The following PNLIPRP3 variants were observed in gnomAD, a reference collection of about 807,000 sequenced individuals.
PNLIPRP3 encodes the protein pancreatic lipase-related protein 3.
A neutral mutation model predicts 52.8 loss-of-function variants in PNLIPRP3; 58 were observed. The ratio of observed to expected loss-of-function variants is 1.10; its 90% CI spans 0.89 to 1.37. The LOEUF is 1.37. Among genes scored for constraint, PNLIPRP3 ranks in the 40% most tolerant of loss-of-function variants. PNLIPRP3 has a pLI of 0.00. For missense variants in PNLIPRP3, 593 were observed against 561.6 expected (o/e 1.06, Z -0.57); for synonymous variants, 192 against 185.0 (o/e 1.04, Z -0.31).
chr10:116,444,358 T>C (rs1845911052), intron 3 of PNLIPRP3, 24 bp from the exon 4 acceptor site: 1 of 1,559,392 alleles, frequency 6.4e-7, no homozygotes, highest in Non-Finnish European at 8.7e-7. Context: ...ATTTATTTAA[T>C]ATTTATATAA....
At chr10:116,432,867 C>A (rs1416762775) in intron 1 of PNLIPRP3, among the ~76,000 whole-genome samples, 1 of 151,948 alleles carries the variant, frequency 6.6e-6, no homozygotes, top group Non-Finnish European at 1.5e-5. Flanking sequence ...GTAATCCCAG[C>A]ACTTTGGGAG....
chr10:116,445,849 TCTC>T (rs1845940814), intron 4 of PNLIPRP3, among the ~76,000 whole-genome samples: 2 of 152,096 alleles, frequency 1.3e-5, no homozygotes, highest in South Asian at 4.1e-4. Flanking sequence ...CTGAGTCTCT[TCTC>T]CACCTCTCTT....
intron 1 of PNLIPRP3, among the ~76,000 whole-genome samples, chr10:116,434,456 A>G (rs1845749404): frequency 6.6e-6 from 1 of 152,178 alleles, no homozygotes; most frequent in African/African-American, 2.4e-5. Context: ...CTTTATAGCA[A>G]ACATTATTTT....
rs1213369824 is a variant in PNLIPRP3, at chr10:116,476,715, C to A, written c.1236C>A (p.Asn412Lys). Residue 412 changes from asparagine to lysine, a missense_variant, in exon 11 of 12, where the codon AAC (asparagine) becomes AAA (lysine). Asn to Lys is a moderately conservative substitution (Grantham distance 94). Transcript: ENST00000369230. ...TCGATGCAGATGTTAACGTTGGAAA[C>A]ATTACAAGTGTTCAGTTCATCTGGA... is the stretch of plus-strand genomic sequence containing the variant. ...KLIDADVNVG[N>K]ITSVQFIWKK... The A allele has an allele frequency of 1.2e-6, 2 of 1,608,532 alleles. No individual in the cohort carries two copies. The highest frequency in any genetic ancestry group is 3.4e-5 in the Admixed American group (2 of 58,662).
rs1243990907 is a variant in PNLIPRP3 at position 116,469,299 on chromosome 10, T to C, written c.1042T>C (p.Ser348Pro). 6.2e-7 allele frequency: 1 copy of C among 1,605,704 alleles called. No individual in the cohort carries two copies. Among genetic ancestry groups the C allele is most frequent in the East Asian group, 2.2e-5 (1 of 44,448 alleles). ...ATCACATTATTTTTTAAACACAGGG[T>C]CCCTTTCCCCATTTGCCCGTAAGTA... ...NGSHYFLNTG[S>P]LSPFARWRHK... Residue 348 changes from serine to proline, a missense_variant, in exon 9 of 12, where the codon TCC becomes CCC. By Grantham distance (74) the Ser-to-Pro change is moderately conservative. Transcript: ENST00000369230.
chr10:116,474,708 A>G (rs1159882169), intron 10 of PNLIPRP3, among the ~76,000 whole-genome samples: 1 of 152,228 alleles, frequency 6.6e-6, no homozygotes, highest in Non-Finnish European at 1.5e-5. Context: ...AAAGCTCAAC[A>G]TCACTGATCA....
chr10:116,466,103 G>T lies in PNLIPRP3; in HGVS notation c.862G>T (p.Glu288Ter). 6.2e-7 allele frequency: 1 copy of T among 1,613,826 alleles called. No homozygotes were observed. ...NHARSYQFYA[E>*]SILNPDAFIA... is the part of the protein sequence containing the mutation. The stretch of plus-strand genomic sequence containing the variant: ...TGCCCGAAGTTATCAATTTTATGCT[G>T]AAAGCATTCTTAATCCTGATGCATT... The change falls in exon 8 of 12, where the codon GAA (glutamate) becomes TAA (stop). Residue 288 changes from glutamate to a stop codon, truncating the protein, a stop_gained. Transcript: ENST00000369230. LOFTEE classifies it high-confidence loss of function.
At chr10:116,432,984 C>T (rs1845727803) in intron 1 of PNLIPRP3, among the ~76,000 whole-genome samples, 1 of 151,458 alleles carries the variant, frequency 6.6e-6, no homozygotes, top group East Asian at 2.0e-4. Flanking sequence ...TGTGGAGGTG[C>T]ACACCTGTAA....
chr10:116,477,168 T>A lies in PNLIPRP3; in HGVS notation c.*15T>A. On this transcript the variant is annotated 3_prime_UTR_variant, in exon 12 of 12. Coordinates refer to ENST00000369230, the MANE Select transcript of PNLIPRP3 (RefSeq NM_001011709.3). ...AACCATGCTAATCTCAGATACAGTC[T>A]TGATGGATTTCTTTAGTAGGAGCAA... 1 of 1,567,474 alleles carries A rather than the reference T, an allele frequency of 6.4e-7. No individual in the cohort carries two copies.
chr10:116,469,286 T>C lies in PNLIPRP3; in HGVS notation c.1029T>C (p.Phe343=). ...TGAAGACTAATGGATCACATTATTT[T>C]TTAAACACAGGGTCCCTTTCCCCAT... ...KNMKTNGSHY[F]LNTGSLSPFA... Residue 343 remains phenylalanine, a synonymous_variant, in exon 9 of 12, where the codon TTT becomes TTC. Transcript: ENST00000369230. 1 of 1,610,138 alleles carries C rather than the reference T, an allele frequency of 6.2e-7. No homozygotes were observed. Among genetic ancestry groups the C allele is most frequent in the Non-Finnish European group, 8.5e-7 (1 of 1,178,454 alleles).
rs189078194 is a variant in PNLIPRP3, at chr10:116,432,938, C to T, written c.50-3773C>T. Among the ~76,000 whole-genome samples, 226 of 151,126 alleles carry T rather than the reference C, an allele frequency of 1.5e-3. 1 individual carries two copies. Among genetic ancestry groups the T allele is most frequent in the Middle Eastern group, 6.9e-3 (2 of 290 alleles). On this transcript the variant is annotated intron_variant, in intron 1 of 11. Coordinates refer to ENST00000369230, the MANE Select transcript of PNLIPRP3 (RefSeq NM_001011709.3). ...GACTAGCTTGGCTAACATGGTGAAACCCTGTTTCTACTAAAAATACAAAAA... is the reference window on the plus strand; with the variant it reads ...GACTAGCTTGGCTAACATGGTGAAATCCTGTTTCTACTAAAAATACAAAAA...
At chr10:116,449,694 C>T (rs970644255) in intron 4 of PNLIPRP3, among the ~76,000 whole-genome samples, 1 of 152,112 alleles carries the variant, frequency 6.6e-6, no homozygotes, top group South Asian at 2.1e-4. Context: ...AGATGGAAAA[C>T]AAATAAGAAG....
At chr10:116,435,463 C>T (rs544783215) in intron 1 of PNLIPRP3, among the ~76,000 whole-genome samples, 1 of 146,100 alleles carries the variant, frequency 6.8e-6, no homozygotes, top group African/African-American at 2.6e-5. Context: ...AAAAAACCAA[C>T]CAAACAAAAA....
intron 1 of PNLIPRP3, among the ~76,000 whole-genome samples, chr10:116,436,068 A>G (rs1845770009): frequency 6.6e-6 from 1 of 152,230 alleles, no homozygotes; most frequent in Non-Finnish European, 1.5e-5. Flanking sequence ...GTCTTTGACA[A>G]GGGTGCCAAG....
At position 116,456,792 on chromosome 10, in the gene PNLIPRP3, A is replaced by C. The variant is rs191313449; in HGVS notation, c.565+962A>C. ...CCTCTGCATCCCCCCACCAACAGCC[A>C]GTAAGCAAGCCCCACGTCTCCTTCA... On this transcript the variant is annotated intron_variant, in intron 5 of 11. Transcript: ENST00000369230. Among the ~76,000 whole-genome samples, 132 of 152,288 alleles carry C rather than the reference A, an allele frequency of 8.7e-4. 1 individual carries two copies. Among genetic ancestry groups the C allele is most frequent in the African/African-American group, 3.1e-3 (130 of 41,564 alleles).
At chr10:116,439,036 G>A (rs1162129162) in intron 2 of PNLIPRP3, among the ~76,000 whole-genome samples, 1 of 152,154 alleles carries the variant, frequency 6.6e-6, no homozygotes, top group Non-Finnish European at 1.5e-5. Flanking sequence ...AGCAGGTAAT[G>A]GAGAGTTCCT....
At chr10:116,471,631 AT>A in intron 9 of PNLIPRP3, 136 bp from the exon 10 acceptor site, 1 of 608,676 alleles carries the variant, frequency 1.6e-6, no homozygotes. Flanking sequence ...CTAAAGTTGT[AT>A]TTTTGCATGA....
At chr10:116,432,644 C>T (rs760851908) in intron 1 of PNLIPRP3, among the ~76,000 whole-genome samples, 25 of 152,056 alleles carry the variant, frequency 1.6e-4, no homozygotes, top group Non-Finnish European at 3.2e-4. Context: ...GTGAAATAAC[C>T]TCAGATGTGG....
At chr10:116,463,239 G>A (rs1349922922) in intron 7 of PNLIPRP3, among the ~76,000 whole-genome samples, 1 of 152,136 alleles carries the variant, frequency 6.6e-6, no homozygotes, top group Non-Finnish European at 1.5e-5. Flanking sequence ...CCAGCGTTCT[G>A]AGGGTCAGAA....
Sources: gnomAD v4.1 joint callset for allele counts (sites outside exome capture counted in the v4.1 genomes callset) on GRCh38, gnomAD v4.1.1 for gene constraint, MANE v1.5 for transcripts, NCBI Gene and HGNC (gene_info 2026-07-23, HGNC 2026-07-21) for gene names.